Variants in SAYSD1 observed in about 807,000 individuals in gnomAD.
The protein encoded by SAYSD1 is SAYSvFN domain-containing protein 1.
Under a neutral mutation model 14.5 loss-of-function variants are expected in SAYSD1, and 15 were observed. That is an observed-to-expected ratio of 1.03 (90% CI 0.69 to 1.59). SAYSD1 has a LOEUF of 1.59. SAYSD1 is among the 40% of genes most tolerant of loss of function. SAYSD1 has a pLI of 0.00. For missense variants in SAYSD1, 247 were observed against 227.3 expected, an observed-to-expected ratio of 1.09 and a Z score of -0.56; for synonymous variants, 105 against 102.6, an observed-to-expected ratio of 1.02 and a Z score of -0.14.
intron 1 of SAYSD1, chr6:39,109,195 C>G: frequency 1.0e-6 from 1 of 958,934 alleles, no homozygotes. Context: ...GCCTGGAGGT[C>G]AGGAGTGGTG....
chr6:39,107,364 T>C (rs920399966), intron 1 of SAYSD1, among the ~76,000 whole-genome samples: 4 of 152,184 alleles, frequency 2.6e-5, no homozygotes, highest in South Asian at 2.1e-4. Context: ...AGCTCTCCCG[T>C]TCATTAAGCA....
intron 1 of SAYSD1, chr6:39,110,355 A>G (rs956168326): frequency 1.9e-4 from 39 of 208,518 alleles, no homozygotes; most frequent in Middle Eastern, 2.8e-3. Flanking sequence ...GCCTGTGCCA[A>G]TGGCCATGTG....
chr6:39,109,419 C>CTCT, intron 1 of SAYSD1: 1 of 1,549,552 alleles, frequency 6.5e-7, no homozygotes, highest in Non-Finnish European at 8.7e-7. Flanking sequence ...TAGATACTTC[C>CTCT]TCATCAATGA....
At chr6:39,107,188 A>G (rs1769522658) in intron 1 of SAYSD1, among the ~76,000 whole-genome samples, 1 of 152,154 alleles carries the variant, frequency 6.6e-6, no homozygotes, top group Admixed American at 6.5e-5. Context: ...AACTGGTCTT[A>G]TTACCCAAAG....
In SAYSD1 at chr6:39,114,876, G is replaced by A. The variant is rs374454059; in HGVS notation, c.207+7C>T. 3.7e-6 allele frequency: 6 copies of A among 1,610,340 alleles called. No homozygotes were observed. The highest frequency in any genetic ancestry group is 2.7e-5 in the African/African-American group (2 of 74,844). ...AGGTCCTAGGGCCGAAGTTTCCATC[G>A]TCTCACCTGAACTAGGCCGGGCTGG... On this transcript the variant is annotated splice_region_variant and intron_variant, in intron 1 of 1. Transcript: ENST00000229903.
Position 39,105,380 on chromosome 6 carries a change from A to C in SAYSD1, c.*52T>G, listed in dbSNP as rs1372072851. The C allele has an allele frequency of 1.3e-6, 2 of 1,503,604 alleles. No individual in the cohort carries two copies. The highest frequency in any genetic ancestry group is 2.4e-5 in the South Asian group (2 of 84,782). 93.1% of individuals were successfully genotyped at this position (1,503,604 alleles called of 1,614,324 possible). A position where few individuals can be genotyped will look rare whatever the true frequency, so the allele number is the denominator to read the frequency against. Reference sequence around the variant, plus strand: ...ACACCTGAAATCAAATCCATAGCCAATGGTGAGGAAGACCACATCAGAGGT... The same window carrying C: ...ACACCTGAAATCAAATCCATAGCCACTGGTGAGGAAGACCACATCAGAGGT... On this transcript the variant is annotated 3_prime_UTR_variant, in exon 2 of 2. Transcript: ENST00000229903.
In SAYSD1 at chr6:39,104,415, A is replaced by C. The variant is rs1048693434; in HGVS notation, c.*1017T>G. On this transcript the variant is annotated 3_prime_UTR_variant, in exon 2 of 2. Transcript: ENST00000229903. ...AGCATTAAAATCCAGCCTGATTATC[A>C]CAATTTACAGAATTTCTCACCAGAG... The C allele has an allele frequency of 1.3e-5, 2 of 152,084 alleles. No individual in the cohort carries two copies. Among genetic ancestry groups the C allele is most frequent in the African/African-American group, 4.8e-5 (2 of 41,338 alleles). The allele number at this position is 152,084 out of a possible 1,614,324, so 9.4% of individuals were successfully genotyped here.
chr6:39,115,092 C>G lies in SAYSD1; in HGVS notation c.-3G>C, dbSNP rs763143122. On this transcript the variant is annotated 5_prime_UTR_variant, in exon 1 of 2. Transcript: ENST00000229903. ...AACTCAGCTAACCGCTGTTCCATGG[C>G]GCGCGCCTCGCGTCCGTTGGCCGAT... is the stretch of plus-strand genomic sequence containing the variant. The G allele has an allele frequency of 6.3e-7, 1 of 1,599,142 alleles. No homozygotes were observed. Among genetic ancestry groups the G allele is most frequent in the Non-Finnish European group, 8.5e-7 (1 of 1,176,472 alleles).
At chr6:39,109,210 G>C in intron 1 of SAYSD1, 1 of 1,071,780 alleles carries the variant, frequency 9.3e-7, no homozygotes, top group South Asian at 1.3e-5. Context: ...GTGGTGGATG[G>C]GTATGGGAAA....
Position 39,105,333 on chromosome 6 carries a change from C to T in SAYSD1, c.*99G>A, listed in dbSNP as rs913840154. 16 of 971,334 alleles carry T rather than the reference C, an allele frequency of 1.6e-5. No homozygotes were observed. The highest frequency in any genetic ancestry group is 1.5e-4 in the Admixed American group (7 of 45,730). The allele number at this position is 971,334 out of a possible 1,614,324, so 60.2% of individuals were successfully genotyped here. Reference sequence around the variant, plus strand: ...AAACTATGCAGTCACAGAGCTAACCCGCAAGCTGCCCTTAGTCCTATACAC... The same window carrying T: ...AAACTATGCAGTCACAGAGCTAACCTGCAAGCTGCCCTTAGTCCTATACAC... On this transcript the variant is annotated 3_prime_UTR_variant, in exon 2 of 2. Transcript: ENST00000229903.
chr6:39,114,554 A>C (rs1769695551), intron 1 of SAYSD1, among the ~76,000 whole-genome samples: 1 of 152,244 alleles, frequency 6.6e-6, no homozygotes, highest in African/African-American at 2.4e-5. Context: ...CTGTGGCTCA[A>C]CTTGGTTGTG....
In SAYSD1 at chr6:39,115,062, C is replaced by A; in HGVS notation, c.28G>T (p.Ala10Ser). Residue 10 changes from alanine to serine, a missense_variant, in exon 1 of 2, where the codon GCG (alanine) becomes TCG (serine). Coordinates refer to ENST00000229903, the MANE Select transcript of SAYSD1 (RefSeq NM_018322.3). ...GCCAGACCCGCCCGTTTCCGCGCCGCCCGAAACTCAGCTAACCGCTGTTCC... is the reference window on the plus strand; with the variant it reads ...GCCAGACCCGCCCGTTTCCGCGCCGACCGAAACTCAGCTAACCGCTGTTCC... MEQRLAEFR[A>S]ARKRAGLAAQ... 6.2e-7 allele frequency: 1 copy of A among 1,609,776 alleles called. No homozygotes were observed. Among genetic ancestry groups the A allele is most frequent in the Non-Finnish European group, 8.5e-7 (1 of 1,179,790 alleles).
chr6:39,109,804 T>G (rs146718055), intron 1 of SAYSD1: 1 of 171,254 alleles, frequency 5.8e-6, no homozygotes, highest in East Asian at 1.9e-4. Context: ...CCATAGTGTA[T>G]CTGTATGGTG....
rs1345495527 is a variant in SAYSD1, at chr6:39,114,854, T to G, written c.207+29A>C. ...CCTCGACTGTGGCTCCGAGGCCAGG[T>G]CCTAGGGCCGAAGTTTCCATCGTCT... On this transcript the variant is annotated intron_variant, in intron 1 of 1. Transcript: ENST00000229903. The G allele has an allele frequency of 1.9e-6, 3 of 1,604,646 alleles. No individual in the cohort carries two copies. In the African/African-American group the frequency reaches 4.0e-5, roughly 21 times the overall value.
At chr6:39,107,005 T>G (rs891189845) in intron 1 of SAYSD1, among the ~76,000 whole-genome samples, 2 of 152,208 alleles carry the variant, frequency 1.3e-5, no homozygotes, top group Admixed American at 1.3e-4. Context: ...ACACTTACCC[T>G]CCCTGAGACA....
Position 39,112,170 on chromosome 6 carries a change from C to G in SAYSD1, c.207+2713G>C, listed in dbSNP as rs189872169. ...AAGTATACACAATAAAAAATAGGAA[C>G]CTCGAAAGGGAAAAAGGACATTGAA... On this transcript the variant is annotated intron_variant, in intron 1 of 1. Coordinates refer to ENST00000229903, the MANE Select transcript of SAYSD1 (RefSeq NM_018322.3). The G allele has an allele frequency of 1.4e-3, 206 of 151,968 alleles. 2 individuals are homozygous for G. The highest frequency in any genetic ancestry group is 4.6e-3 in the African/African-American group (192 of 41,432). The allele number at this position is 151,968 out of a possible 1,614,324, so 9.4% of individuals were successfully genotyped here.
chr6:39,109,512 C>T, intron 1 of SAYSD1: 1 of 1,464,104 alleles, frequency 6.8e-7, no homozygotes, highest in Non-Finnish European at 9.0e-7. Flanking sequence ...GAGCTTGGCC[C>T]AAATGGAGGC....
At chr6:39,106,101 TA>T (rs1769497969) in intron 1 of SAYSD1, among the ~76,000 whole-genome samples, 2 of 152,354 alleles carry the variant, frequency 1.3e-5, no homozygotes, top group African/African-American at 4.8e-5. Flanking sequence ...AACTCCTGAA[TA>T]ACTGATAATG....
intron 1 of SAYSD1, among the ~76,000 whole-genome samples, chr6:39,106,676 A>C (rs1411252791): frequency 6.6e-6 from 1 of 152,176 alleles, no homozygotes; most frequent in Non-Finnish European, 1.5e-5. Context: ...TCCCTCCCCA[A>C]GCCATCCTAT....
Sources: allele counts gnomAD v4.1 joint callset (sites outside exome capture counted in the v4.1 genomes callset), GRCh38; gene constraint gnomAD v4.1.1; transcripts MANE v1.5; gene names NCBI Gene and HGNC (gene_info 2026-07-23, HGNC 2026-07-21).